OCM: variants seen among roughly 807,000 people sequenced by gnomAD.
OCM encodes the protein oncomodulin.
Under a neutral mutation model 14.1 loss-of-function variants are expected in OCM, and 18 were observed. That is an observed-to-expected ratio of 1.28 (90% CI 0.88 to 1.89). The LOEUF is 1.89. Ranked by LOEUF, OCM falls within the 40% of genes most tolerant of loss-of-function variation. The pLI is 0.00. For missense variants in OCM, 140 were observed against 137.6 expected, an observed-to-expected ratio of 1.02 and a Z score of -0.09; for synonymous variants, 48 against 51.0, an observed-to-expected ratio of 0.94 and a Z score of 0.25.
the OCM span, among the ~76,000 whole-genome samples, chr7:5,871,096 C>A: frequency 2.6e-4 from 39 of 151,972 alleles, no homozygotes; most frequent in African/African-American, 9.2e-4. Context: ...CCTGTAATCC[C>A]AGCAGTTTGG....
chr7:5,869,451 A>T, the OCM span, among the ~76,000 whole-genome samples: 1 of 151,944 alleles, frequency 6.6e-6, no homozygotes, highest in African/African-American at 2.4e-5. Flanking sequence ...TACAAAAATT[A>T]TCCAGGCATG....
intron 3 of OCM, among the ~76,000 whole-genome samples, chr7:5,885,253 T>C (rs1000490188): frequency 1.3e-5 from 2 of 152,192 alleles, no homozygotes; most frequent in African/African-American, 4.8e-5. Flanking sequence ...ATTATCCTTC[T>C]TTTAGTAACA....
At chr7:5,868,138 G>A in the OCM span, among the ~76,000 whole-genome samples, 1 of 151,970 alleles carries the variant, frequency 6.6e-6, no homozygotes, top group African/African-American at 2.4e-5. Flanking sequence ...GCTTCACTGT[G>A]TTTTGTTGTC....
intron 2 of OCM, among the ~76,000 whole-genome samples, chr7:5,883,057 G>C (rs548506107): frequency 2.0e-5 from 3 of 152,180 alleles, no homozygotes; most frequent in Middle Eastern, 3.4e-3. Flanking sequence ...TGCCAGGCTG[G>C]TCTCAAACTC....
chr7:5,877,916 A>G (rs1781128303), upstream of OCM, among the ~76,000 whole-genome samples: 1 of 151,864 alleles, frequency 6.6e-6, no homozygotes, highest in South Asian at 2.1e-4. Flanking sequence ...AGCCAGTCTG[A>G]AAAAGACAAA....
chr7:5,884,994 C>T (rs1444488090), intron 3 of OCM, among the ~76,000 whole-genome samples: 2 of 151,948 alleles, frequency 1.3e-5, no homozygotes, highest in East Asian at 1.9e-4. Flanking sequence ...GTGGTGGGCA[C>T]CTGTAATCCC....
upstream of OCM, among the ~76,000 whole-genome samples, chr7:5,875,364 A>G (rs1170469147): frequency 2.6e-5 from 4 of 151,964 alleles, no homozygotes; most frequent in African/African-American, 2.4e-5. Flanking sequence ...GCCTGAATCA[A>G]TATTTGATGC....
chr7:5,881,481 C>T (rs1487632188), intron 1 of OCM, among the ~76,000 whole-genome samples: 1 of 151,746 alleles, frequency 6.6e-6, no homozygotes, highest in Non-Finnish European at 1.5e-5. Context: ...AAAATAAAAA[C>T]TAGCGGGGCA....
chr7:5,865,915 T>G, the OCM span, among the ~76,000 whole-genome samples: 4 of 152,178 alleles, frequency 2.6e-5, no homozygotes, highest in African/African-American at 9.7e-5. Flanking sequence ...GCCGCACTCT[T>G]GATAATAACA....
upstream of OCM, among the ~76,000 whole-genome samples, chr7:5,877,856 C>G (rs915285618): frequency 6.8e-6 from 1 of 147,070 alleles, no homozygotes; most frequent in African/African-American, 2.5e-5. Flanking sequence ...GAGATCCTGA[C>G]ACATGCCACA....
intron 3 of OCM, 64 bp downstream of exon 3, chr7:5,884,063 G>A (rs1056840725): frequency 2.5e-4 from 393 of 1,594,268 alleles, no homozygotes; most frequent in Middle Eastern, 5.1e-4. Flanking sequence ...GAGGGCTTGG[G>A]CTGTGAGATC....
the OCM span, among the ~76,000 whole-genome samples, chr7:5,865,883 C>T: frequency 6.6e-6 from 1 of 152,188 alleles, no homozygotes; most frequent in African/African-American, 2.4e-5. Context: ...TGCATATACA[C>T]ATCTAGATGT....
the OCM span, among the ~76,000 whole-genome samples, chr7:5,871,119 G>A: frequency 1.8e-4 from 28 of 152,208 alleles, no homozygotes; most frequent in African/African-American, 6.3e-4. Context: ...GGCCAAAGCG[G>A]GAGGATGGCT....
intron 3 of OCM, among the ~76,000 whole-genome samples, chr7:5,884,279 C>T (rs368693635): frequency 1.3e-5 from 2 of 152,168 alleles, no homozygotes; most frequent in African/African-American, 4.8e-5. Flanking sequence ...TAGCTAGCCA[C>T]CTGGCCAATT....
upstream of OCM, among the ~76,000 whole-genome samples, chr7:5,879,667 C>G (rs11981221): frequency 0.02 from 2,873 of 146,192 alleles, 109 homozygotes; most frequent in African/African-American, 0.07. Context: ...GAATTGAAAT[C>G]TTAGTTAAGG....
At chr7:5,865,772 C>A in the OCM span, among the ~76,000 whole-genome samples, 1 of 152,138 alleles carries the variant, frequency 6.6e-6, no homozygotes, top group Non-Finnish European at 1.5e-5. Context: ...GCAACACATA[C>A]CCTGTGCATT....
the OCM span, among the ~76,000 whole-genome samples, chr7:5,866,010 G>A: frequency 1.8e-4 from 28 of 152,094 alleles, no homozygotes; most frequent in South Asian, 1.9e-3. Context: ...GAATAGCATA[G>A]GTATTTGTAC....
At chr7:5,861,421 TAAAA>T in the OCM span, among the ~76,000 whole-genome samples, 1 of 141,702 alleles carries the variant, frequency 7.1e-6, no homozygotes, top group African/African-American at 2.6e-5. Context: ...AATTCTGTCT[TAAAA>T]AAAAAAAAAG....
the OCM span, among the ~76,000 whole-genome samples, chr7:5,870,039 T>A: frequency 6.6e-6 from 1 of 151,606 alleles, no homozygotes; most frequent in East Asian, 1.9e-4. Flanking sequence ...TTGCTTTGTT[T>A]TCTTCGTTAT....
Sources: allele counts gnomAD v4.1 joint callset (sites outside exome capture counted in the v4.1 genomes callset), GRCh38; gene constraint gnomAD v4.1.1; transcripts MANE v1.5; gene names NCBI Gene and HGNC (gene_info 2026-07-23, HGNC 2026-07-21).